The following HIRA variants were observed in gnomAD, a reference collection of about 807,000 sequenced individuals.
HIRA encodes the protein histone cell cycle regulator.
HIRA carries 13 observed loss-of-function variants against 126.6 expected under a neutral mutation model. That is an observed-to-expected ratio of 0.10 (90% CI 0.07 to 0.16). The LOEUF (loss-of-function observed/expected upper bound fraction) is 0.16, where lower values mean the gene tolerates loss of function less well. Among genes scored for constraint, HIRA ranks in the 10% least tolerant of loss-of-function variants. The pLI, the probability that HIRA is intolerant of heterozygous loss-of-function variation, is 1.00. For synonymous variants in HIRA, 511 were observed against 520.0 expected (o/e 0.98, Z 0.24); for missense variants, 834 against 1,314.4 (o/e 0.63, Z 5.65).
Position 19,351,013 on chromosome 22 carries a change from G to T in HIRA, c.2937+345C>A. 2.6e-6 allele frequency: 1 copy of T among 390,072 alleles called. No individual in the cohort carries two copies. Among genetic ancestry groups the T allele is most frequent in the Non-Finnish European group, 3.5e-6 (1 of 285,776 alleles). 24.2% of individuals were successfully genotyped at this position (390,072 alleles called of 1,614,324 possible). The stretch of plus-strand genomic sequence containing the variant: ...CTGAAAATATTTTGTTGACCTAACT[G>T]CCTCCCTGTTTATGTGTGCATCCCT... On this transcript the variant is annotated intron_variant, in intron 24 of 24. Transcript: ENST00000263208. This position sits in a 1 kb window ranked among gnomAD's most constrained non-coding sequence, Gnocchi z 4.8.
chr22:19,379,031 T>C (rs1334200246), intron 13 of HIRA, among the ~76,000 whole-genome samples: 1 of 142,872 alleles, frequency 7.0e-6, no homozygotes, highest in Non-Finnish European at 1.5e-5. Flanking sequence ...ATTTTTTCTT[T>C]TTCTTTTTTT....
chr22:19,361,457 G>A (rs1012994687), intron 16 of HIRA, 116 bp from the exon 17 acceptor site: 2 of 879,516 alleles, frequency 2.3e-6, no homozygotes, highest in African/African-American at 3.3e-5. Context: ...TCCACCCTGG[G>A]AGGGAGGAAG....
chr22:19,390,616 A>AAAAAAAAAAC (rs2089170860), intron 9 of HIRA, among the ~76,000 whole-genome samples: 1 of 148,560 alleles, frequency 6.7e-6, no homozygotes, highest in South Asian at 2.1e-4. Flanking sequence ...AAAAAAAAAA[A>AAAAAAAAAAC]AAAAAAAAAA....
intron 15 of HIRA, among the ~76,000 whole-genome samples, chr22:19,364,068 T>A (rs2088890537): frequency 6.6e-6 from 1 of 151,896 alleles, no homozygotes; most frequent in African/African-American, 2.4e-5. Context: ...GGGGATGCTA[T>A]GGGTATGTTG....
At chr22:19,356,333 C>T (rs1236501509) in intron 19 of HIRA, 45 bp from the exon 20 acceptor site, 8 of 1,561,592 alleles carry the variant, frequency 5.1e-6, no homozygotes, top group African/African-American at 1.4e-5. Context: ...CCCAGGTAAA[C>T]ACATCAGAGT....
intron 1 of HIRA, among the ~76,000 whole-genome samples, chr22:19,423,527 A>G (rs2089466159): frequency 3.1e-5 from 1 of 31,748 alleles, no homozygotes; most frequent in Non-Finnish European, 6.6e-5. Flanking sequence ...ACACACACAT[A>G]TTTTCAGCTC....
At chr22:19,400,995 C>T (rs185303783) in intron 5 of HIRA, among the ~76,000 whole-genome samples, 1 of 152,176 alleles carries the variant, frequency 6.6e-6, no homozygotes, top group Non-Finnish European at 1.5e-5. Flanking sequence ...CCCCTCACCA[C>T]TTGCCAACCA....
At chr22:19,363,208 T>C (rs1238446367) in intron 15 of HIRA, among the ~76,000 whole-genome samples, 9 of 149,060 alleles carry the variant, frequency 6.0e-5, no homozygotes, top group Non-Finnish European at 1.0e-4. Flanking sequence ...CACTCCAGCC[T>C]GGTGACAAAG....
chr22:19,359,443 T>G lies in HIRA; in HGVS notation c.2127A>C (p.Glu709Asp). 1 of 1,609,874 alleles carries G rather than the reference T, an allele frequency of 6.2e-7. No individual in the cohort carries two copies. The highest frequency in any genetic ancestry group is 8.5e-7 in the Non-Finnish European group (1 of 1,178,336). The change falls in exon 18 of 25, where the codon GAA (glutamate) becomes GAC (aspartate). Residue 709 changes from glutamate (E) to aspartate (D), a missense_variant. This residue lies in a region of HIRA where 468 missense variants were observed against 574.2 expected (regional missense o/e 0.82). Coordinates refer to ENST00000263208, the MANE Select transcript of HIRA (RefSeq NM_003325.4). ...GCTTCACGCCCCCCACCACTGTCAC[T>G]TCATTCTCCACCTCAATGTACATGG... ...DPSMYIEVEN[E>D]VTVVGGVKLS...
chr22:19,376,180 T>A (rs1268714267), intron 14 of HIRA, among the ~76,000 whole-genome samples: 1 of 152,172 alleles, frequency 6.6e-6, no homozygotes, highest in Non-Finnish European at 1.5e-5. Flanking sequence ...ATGAGTCTCA[T>A]GAGATAAGCC....
intron 15 of HIRA, among the ~76,000 whole-genome samples, chr22:19,366,282 A>C (rs998849577): frequency 2.0e-5 from 3 of 151,728 alleles, no homozygotes; most frequent in African/African-American, 7.3e-5. Flanking sequence ...GAATGGCGTG[A>C]ACCCGGGAGG....
intron 9 of HIRA, among the ~76,000 whole-genome samples, chr22:19,388,758 G>A (rs1299873481): frequency 6.6e-6 from 1 of 152,214 alleles, no homozygotes; most frequent in East Asian, 1.9e-4. Context: ...TACCTAGAGT[G>A]GACCCTGCCT....
intron 1 of HIRA, among the ~76,000 whole-genome samples, chr22:19,420,013 G>A (rs1169467931): frequency 2.0e-5 from 3 of 151,824 alleles, no homozygotes; most frequent in Non-Finnish European, 4.4e-5. Context: ...CATAGCACAG[G>A]AAGGAAGCTG....
chr22:19,375,880 A>G, intron 14 of HIRA, 88 bp from the exon 15 acceptor site: 1 of 1,365,350 alleles, frequency 7.3e-7, no homozygotes, highest in Non-Finnish European at 1.0e-6. Context: ...GCCTACTAAA[A>G]AAGGCACAAA....
Position 19,392,150 on chromosome 22 carries a change from G to T in HIRA, c.887C>A (p.Pro296Gln). The stretch of plus-strand genomic sequence containing the variant: ...GCTGCCAACAGCACAGCAGCAGTAC[G>T]GGCAGCTAGGCTTCGCAGAACTCCC... The part of the protein sequence containing the change: ...KNGSSAKPSC[P>Q]YCCCAVGSKD... Residue 296 changes from proline to glutamine, a missense_variant, in exon 9 of 25, where the codon CCG becomes CAG. This residue lies in a region of HIRA where 153 missense variants were observed against 270.6 expected (regional missense o/e 0.57). Coordinates refer to ENST00000263208, the MANE Select transcript of HIRA (RefSeq NM_003325.4). The T allele has an allele frequency of 6.2e-7, 1 of 1,608,386 alleles. No individual in the cohort carries two copies. Among genetic ancestry groups the T allele is most frequent in the Non-Finnish European group, 8.5e-7 (1 of 1,175,382 alleles).
intron 24 of HIRA, among the ~76,000 whole-genome samples, chr22:19,331,868 G>C (rs1377260950): frequency 2.0e-5 from 3 of 152,222 alleles, no homozygotes; most frequent in East Asian, 1.9e-4. Flanking sequence ...GGCAGGATGA[G>C]AGTAGAACAA....
chr22:19,398,497 A>G (rs1187988466), intron 5 of HIRA, among the ~76,000 whole-genome samples: 1 of 152,188 alleles, frequency 6.6e-6, no homozygotes, highest in African/African-American at 2.4e-5. Context: ...TGCCTGGCAC[A>G]GTCAGAACTC....
chr22:19,413,783 G>T (rs2106142), intron 1 of HIRA, among the ~76,000 whole-genome samples: 151,972 of 151,974 alleles, frequency 1, 75,985 homozygotes, highest in Middle Eastern at 1. Context: ...AGCTAATTTT[G>T]GTATTTTTAG....
At chr22:19,361,370 T>C in intron 16 of HIRA, 29 bp from the exon 17 acceptor site, 1 of 1,583,104 alleles carries the variant, frequency 6.3e-7, no homozygotes, top group Non-Finnish European at 8.7e-7. Context: ...TTCCTGAGCC[T>C]TGCTCTAACA....
Sources: allele counts gnomAD v4.1 joint callset (sites outside exome capture counted in the v4.1 genomes callset), GRCh38; gene constraint gnomAD v4.1.1; regional missense constraint gnomAD v4.1.1; non-coding constraint Gnocchi (gnomAD v3.1); transcripts MANE v1.5; gene names NCBI Gene and HGNC (gene_info 2026-07-23, HGNC 2026-07-21).